Variants in METTL15 observed in about 807,000 individuals in gnomAD.
The protein encoded by METTL15 is methyltransferase 15, mitochondrial 12S rRNA N4-cytidine.
A neutral mutation model predicts 38.3 loss-of-function variants in METTL15; 34 were observed. The ratio of observed to expected loss-of-function variants is 0.89; its 90% CI spans 0.68 to 1.18. METTL15 has a LOEUF of 1.18. METTL15 is among the 50% of genes most tolerant of loss of function. The probability of loss-of-function intolerance (pLI) is 0.00; values close to 1 mark genes in which losing one functional copy is unlikely to be tolerated. For missense variants in METTL15, 438 were observed against 498.4 expected (o/e 0.88, Z 1.15); for synonymous variants, 162 against 170.9 (o/e 0.95, Z 0.41).
intron 3 of METTL15, among the ~76,000 whole-genome samples, chr11:28,181,798 A>G (rs1005436680): frequency 3.9e-5 from 6 of 151,930 alleles, no homozygotes; most frequent in South Asian, 2.1e-4. Context: ...GGGTCAAATG[A>G]TATTTCTAGT....
At chr11:28,425,670 G>A (rs548689395) in intron 6 of METTL15, among the ~76,000 whole-genome samples, 95 of 152,238 alleles carry the variant, frequency 6.2e-4, no homozygotes, top group Admixed American at 4.0e-3. Flanking sequence ...CTATCAGAGC[G>A]TTGTAGTAAG....
At chr11:28,193,586 C>A (rs1247408601) in intron 3 of METTL15, among the ~76,000 whole-genome samples, 2 of 152,064 alleles carry the variant, frequency 1.3e-5, no homozygotes, top group Non-Finnish European at 2.9e-5. Flanking sequence ...GGTGGGGACA[C>A]AGATCCAAAC....
intron 1 of METTL15, among the ~76,000 whole-genome samples, chr11:28,109,029 C>A (rs1851604204): frequency 6.6e-6 from 1 of 152,076 alleles, no homozygotes; most frequent in African/African-American, 2.4e-5. Flanking sequence ...ATTTTAGACA[C>A]AATAGTATGC....
intron 6 of METTL15, among the ~76,000 whole-genome samples, chr11:28,306,330 A>G (rs533913404): frequency 1.3e-5 from 2 of 152,190 alleles, no homozygotes; most frequent in African/African-American, 2.4e-5. Context: ...GAAGATATAT[A>G]TGACTAACCA....
At chr11:28,237,890 T>A (rs1172574634) in intron 4 of METTL15, among the ~76,000 whole-genome samples, 1 of 152,198 alleles carries the variant, frequency 6.6e-6, no homozygotes. Context: ...TTTGCCTGGG[T>A]ATCAGCAGCG....
At chr11:28,335,536 T>G (rs1448073976), downstream of METTL15, among the ~76,000 whole-genome samples, 1 of 152,198 alleles carries the variant, frequency 6.6e-6, no homozygotes, top group Non-Finnish European at 1.5e-5. Context: ...GATGCTTTAT[T>G]TGACCCCTCC....
intron 5 of METTL15, 67 bp downstream of exon 5, chr11:28,290,464 A>AT: frequency 6.8e-7 from 1 of 1,469,212 alleles, no homozygotes; most frequent in East Asian, 2.3e-5. Flanking sequence ...TCTGAATTTA[A>AT]TTTTTTTAAG....
At chr11:28,229,559 G>C (rs1853607481) in intron 4 of METTL15, among the ~76,000 whole-genome samples, 1 of 151,894 alleles carries the variant, frequency 6.6e-6, no homozygotes, top group African/African-American at 2.4e-5. Flanking sequence ...CCTCACAAAT[G>C]GAATTAATGC....
At chr11:28,438,143 A>C (rs1182876778) in intron 6 of METTL15, among the ~76,000 whole-genome samples, 1 of 152,254 alleles carries the variant, frequency 6.6e-6, no homozygotes, top group African/African-American at 2.4e-5. Flanking sequence ...GATTGATGTT[A>C]ATGGTAATTC....
intron 3 of METTL15, among the ~76,000 whole-genome samples, chr11:28,144,126 T>C (rs1849797876): frequency 6.6e-6 from 1 of 152,298 alleles, no homozygotes; most frequent in East Asian, 1.9e-4. Flanking sequence ...TGTAATCTTT[T>C]ATGTAGTGGA....
chr11:28,224,602 A>G (rs1405364420), intron 4 of METTL15, among the ~76,000 whole-genome samples: 1 of 151,856 alleles, frequency 6.6e-6, no homozygotes, highest in Non-Finnish European at 1.5e-5. Context: ...ATATATTATC[A>G]GCACATTCCT....
chr11:28,396,520 A>T (rs569268108), intron 5 of METTL15, among the ~76,000 whole-genome samples: 31 of 152,290 alleles, frequency 2.0e-4, no homozygotes, highest in Non-Finnish European at 3.8e-4. Flanking sequence ...ATACCTAGGA[A>T]TCCAACTGAC....
At chr11:28,256,586 TTC>T (rs1206712921) in intron 4 of METTL15, among the ~76,000 whole-genome samples, 33 of 152,252 alleles carry the variant, frequency 2.2e-4, no homozygotes, top group African/African-American at 7.2e-4. Flanking sequence ...TACTTGAATC[TTC>T]TCTCTTTTTT....
intron 6 of METTL15, among the ~76,000 whole-genome samples, chr11:28,425,110 G>C (rs1245468793): frequency 6.6e-6 from 1 of 152,160 alleles, no homozygotes; most frequent in Non-Finnish European, 1.5e-5. Flanking sequence ...GTTCCTATCA[G>C]AAGACTGAGA....
At chr11:28,196,388 T>G (rs1251518406) in intron 3 of METTL15, among the ~76,000 whole-genome samples, 1 of 152,062 alleles carries the variant, frequency 6.6e-6, no homozygotes, top group Non-Finnish European at 1.5e-5. Context: ...TAGCAGTGTT[T>G]TGTAGCTCAC....
chr11:28,381,423 A>G (rs1404346274), intron 5 of METTL15, among the ~76,000 whole-genome samples: 1 of 152,104 alleles, frequency 6.6e-6, no homozygotes, highest in Non-Finnish European at 1.5e-5. Flanking sequence ...TAGTCTTTCT[A>G]ATTATTTTTT....
chr11:28,502,448 T>C (rs1198152546), intron 6 of METTL15, among the ~76,000 whole-genome samples: 1 of 152,182 alleles, frequency 6.6e-6, no homozygotes, highest in Admixed American at 6.5e-5. Flanking sequence ...CACAAACCCA[T>C]GGTGGGCTTT....
At chr11:28,255,410 A>T (rs1191548086) in intron 4 of METTL15, among the ~76,000 whole-genome samples, 2 of 152,098 alleles carry the variant, frequency 1.3e-5, no homozygotes, top group Non-Finnish European at 2.9e-5. Context: ...GGATAATTTG[A>T]CTTCTTTCTA....
At chr11:28,316,045 C>A (rs1198806864) in intron 6 of METTL15, among the ~76,000 whole-genome samples, 1 of 152,232 alleles carries the variant, frequency 6.6e-6, no homozygotes, top group Non-Finnish European at 1.5e-5. Context: ...CACAGAGTTC[C>A]CACTGAGGCA....
Sources: allele counts gnomAD v4.1 joint callset (sites outside exome capture counted in the v4.1 genomes callset), GRCh38; gene constraint gnomAD v4.1.1; transcripts MANE v1.5; gene names NCBI Gene and HGNC (gene_info 2026-07-23, HGNC 2026-07-21).